The following MYO16 variants were observed in gnomAD, a reference collection of about 807,000 sequenced individuals.
The protein encoded by MYO16 is unconventional myosin-XVI.
MYO16 carries 94 observed loss-of-function variants against 205.3 expected under a neutral mutation model. The ratio of observed to expected loss-of-function variants is 0.46; its 90% confidence interval spans 0.39 to 0.54. The LOEUF (loss-of-function observed/expected upper bound fraction) is 0.54, where lower values mean the gene tolerates loss of function less well. MYO16 is among the 20% of genes least tolerant of loss of function. MYO16 has a pLI of 0.00. For missense variants in MYO16, 2,315 were observed against 2,387.5 expected, an observed-to-expected ratio of 0.97 and a Z score of 0.63; for synonymous variants, 988 against 954.0, an observed-to-expected ratio of 1.04 and a Z score of -0.66.
the MYO16 span, among the ~76,000 whole-genome samples, chr13:108,564,635 G>A: frequency 0.016 from 2,489 of 152,108 alleles, 58 homozygotes; most frequent in South Asian, 0.087. Flanking sequence ...TCCTTGCTGT[G>A]CAAAAGGCTT....
At chr13:108,799,709 A>G (rs1886911366) in intron 6 of MYO16, among the ~76,000 whole-genome samples, 1 of 152,220 alleles carries the variant, frequency 6.6e-6, no homozygotes, top group South Asian at 2.1e-4. Flanking sequence ...CCAGGTGTTA[A>G]GGGCTGTGAG....
intron 12 of MYO16, among the ~76,000 whole-genome samples, chr13:108,873,617 G>A (rs772322888): frequency 1.3e-5 from 2 of 150,346 alleles, no homozygotes; most frequent in African/African-American, 2.4e-5. Flanking sequence ...CAACCACCAG[G>A]ACAGGGTCCA....
intron 21 of MYO16, among the ~76,000 whole-genome samples, chr13:108,998,968 G>T (rs1198802674): frequency 6.6e-6 from 1 of 152,188 alleles, no homozygotes; most frequent in Non-Finnish European, 1.5e-5. Flanking sequence ...AGGTCACATA[G>T]TATTACTTCC....
chr13:108,903,340 A>G (rs1375728360), intron 15 of MYO16, among the ~76,000 whole-genome samples: 3 of 152,106 alleles, frequency 2.0e-5, no homozygotes, highest in Non-Finnish European at 4.4e-5. Context: ...ATAGATGTGT[A>G]TGTATAGGAA....
chr13:108,738,075 A>G (rs529790743), intron 4 of MYO16, among the ~76,000 whole-genome samples: 2 of 152,236 alleles, frequency 1.3e-5, no homozygotes, highest in South Asian at 4.2e-4. Flanking sequence ...TGATCTTTTC[A>G]GAAAACCAGC....
chr13:109,170,777 G>T (rs1408773135), intron 33 of MYO16, among the ~76,000 whole-genome samples: 1 of 152,070 alleles, frequency 6.6e-6, no homozygotes, highest in Non-Finnish European at 1.5e-5. Flanking sequence ...TGTGAAATAG[G>T]ATCCATGAAA....
intron 1 of MYO16, among the ~76,000 whole-genome samples, chr13:108,613,894 T>C (rs972363716): frequency 4.6e-5 from 7 of 152,090 alleles, no homozygotes; most frequent in Non-Finnish European, 8.8e-5. Context: ...CTGAACCTAA[T>C]AGAAGTTTAT....
chr13:108,994,026 T>C (rs1264523990), intron 21 of MYO16, among the ~76,000 whole-genome samples: 1 of 152,194 alleles, frequency 6.6e-6, no homozygotes, highest in African/African-American at 2.4e-5. Context: ...TAATTGTCAA[T>C]AGAGTGTCCT....
At chr13:109,082,282 T>C (rs1397256589) in intron 27 of MYO16, among the ~76,000 whole-genome samples, 2 of 152,200 alleles carry the variant, frequency 1.3e-5, no homozygotes, top group African/African-American at 4.8e-5. Context: ...CCAGATGCCC[T>C]TGAGGAAGGT....
chr13:108,866,169 T>A lies in MYO16; in HGVS notation c.1360-8T>A, dbSNP rs1306171564. On this transcript the variant is annotated splice_polypyrimidine_tract_variant and splice_region_variant and intron_variant, in intron 11 of 34. Transcript: ENST00000457511. ...ACTCATGAACTGTTTGCATCCCTTT[T>A]TTCACAGACATTCATTGGAGACATT... 6.3e-7 allele frequency: 1 copy of A among 1,595,798 alleles called. No individual in the cohort carries two copies. Among genetic ancestry groups the A allele is most frequent in the South Asian group, 1.1e-5 (1 of 88,450 alleles).
intron 4 of MYO16, among the ~76,000 whole-genome samples, chr13:108,754,180 CTG>C (rs745655777): frequency 1.6e-4 from 24 of 151,150 alleles, no homozygotes; most frequent in African/African-American, 2.5e-4. Flanking sequence ...GCAGAACAAA[CTG>C]TAGCATGCAG....
At chr13:108,945,215 C>A (rs946454800) in intron 16 of MYO16, among the ~76,000 whole-genome samples, 1 of 152,164 alleles carries the variant, frequency 6.6e-6, no homozygotes, top group African/African-American at 2.4e-5. Flanking sequence ...ACTTTACTGA[C>A]AATTAGTTTC....
the MYO16 span, among the ~76,000 whole-genome samples, chr13:108,528,596 C>T: frequency 5.6e-4 from 6 of 10,716 alleles, no homozygotes; most frequent in Non-Finnish European, 1.2e-3. Context: ...TTCCCCTCCT[C>T]TCCCCTCTCC....
chr13:108,940,358 C>T (rs1240350090), intron 16 of MYO16, among the ~76,000 whole-genome samples: 1 of 152,062 alleles, frequency 6.6e-6, no homozygotes, highest in African/African-American at 2.4e-5. Flanking sequence ...GGGCCACTTC[C>T]CTGTCACGCT....
intron 20 of MYO16, among the ~76,000 whole-genome samples, chr13:108,979,838 C>T (rs1884393699): frequency 1.3e-5 from 2 of 152,016 alleles, no homozygotes; most frequent in Non-Finnish European, 2.9e-5. Flanking sequence ...AAGTATCATA[C>T]AGATTATAAT....
At chr13:108,745,637 A>G (rs1009451989) in intron 4 of MYO16, among the ~76,000 whole-genome samples, 8 of 152,176 alleles carry the variant, frequency 5.3e-5, no homozygotes, top group African/African-American at 1.9e-4. Flanking sequence ...CTGGCTTTCA[A>G]TGAAAAATTA....
the MYO16 span, among the ~76,000 whole-genome samples, chr13:108,576,242 A>G: frequency 6.6e-6 from 1 of 152,210 alleles, no homozygotes; most frequent in Non-Finnish European, 1.5e-5. Context: ...TGGACCTAGA[A>G]TGAATCCTGG....
chr13:109,163,022 A>G (rs1412665987), intron 32 of MYO16, among the ~76,000 whole-genome samples: 3 of 152,248 alleles, frequency 2.0e-5, no homozygotes, highest in Non-Finnish European at 4.4e-5. Flanking sequence ...TTTTTTATGT[A>G]TAATGGAGTC....
At position 109,095,149 on chromosome 13, in the gene MYO16, C is replaced by T. The variant is rs1210439308; in HGVS notation, c.3336-5636C>T. ...CCAAACCAGGATAAGACAGGAAGAG[C>T]AGGCTGTCTGGAAAGGCTCATGTTT... is the stretch of plus-strand genomic sequence containing the variant. On this transcript the variant is annotated intron_variant, in intron 27 of 34. Coordinates refer to ENST00000457511, the MANE Select transcript of MYO16 (RefSeq NM_001198950.3). Among the ~76,000 whole-genome samples the T allele has an allele frequency of 2.0e-5, 3 of 152,212 alleles. No homozygotes were observed. In the East Asian group the frequency reaches 5.8e-4, roughly 29 times the overall value.
Sources: gnomAD v4.1 joint callset for allele counts (sites outside exome capture counted in the v4.1 genomes callset) on GRCh38, gnomAD v4.1.1 for gene constraint, MANE v1.5 for transcripts, NCBI Gene and HGNC (gene_info 2026-07-23, HGNC 2026-07-21) for gene names.